LCN6: variants seen among roughly 807,000 people sequenced by gnomAD.
LCN6 encodes epididymal-specific lipocalin-6.
LCN6 carries 20 observed loss-of-function variants against 21.4 expected under a neutral mutation model. The observed-to-expected ratio is 0.93, with a 90% confidence interval of 0.66 to 1.36. The LOEUF (loss-of-function observed/expected upper bound fraction) is 1.36. LCN6 is among the 40% of genes most tolerant of loss of function. The pLI, the probability that LCN6 is intolerant of heterozygous loss-of-function variation, is 0.00. For missense variants in LCN6, 217 were observed against 206.6 expected (o/e 1.05, Z -0.31); for synonymous variants, 96 against 89.0 (o/e 1.08, Z -0.44).
chr9:136,746,397 TG>T (rs1564326803), intron 2 of LCN6, among the ~76,000 whole-genome samples: 1 of 5,022 alleles, frequency 2.0e-4, no homozygotes, highest in African/African-American at 8.5e-4. Context: ...TGGGGCGGGG[TG>T]GGGGTTTGCC....
intron 1 of LCN6, among the ~76,000 whole-genome samples, chr9:136,748,079 C>T (rs146061145): frequency 2.8e-5 from 4 of 145,304 alleles, no homozygotes; most frequent in African/African-American, 1.1e-4. Context: ...TCCAGCCCAG[C>T]AGCCTCCAGC....
chr9:136,748,029 C>T (rs1333363952), intron 1 of LCN6, among the ~76,000 whole-genome samples: 1 of 149,656 alleles, frequency 6.7e-6, no homozygotes, highest in Non-Finnish European at 1.5e-5. Flanking sequence ...AGCCCTCCAG[C>T]CTCCAGCCCT....
intron 1 of LCN6, 89 bp from the exon 2 acceptor site, chr9:136,747,652 A>C (rs1847061527): frequency 2.1e-6 from 2 of 937,370 alleles, no homozygotes; most frequent in African/African-American, 5.6e-5. Context: ...TCCAGCCTCC[A>C]AACCTCCAGC....
chr9:136,746,000 G>T, intron 2 of LCN6, 86 bp from the exon 3 acceptor site: 1 of 1,199,924 alleles, frequency 8.3e-7, no homozygotes, highest in Non-Finnish European at 1.2e-6. Context: ...TCCAGGCCAG[G>T]CCAGCCAGCA....
At position 136,745,298 on chromosome 9, in the gene LCN6, C is replaced by T; in HGVS notation, c.302-18G>A. On this transcript the variant is annotated intron_variant, in intron 3 of 6. Transcript: ENST00000341206. ...GCCTATTGCTAGGAAACAAAACCCCCCGCCTCAGGGGAGGGCAGCTGCTGT... is the reference window on the plus strand; with the variant it reads ...GCCTATTGCTAGGAAACAAAACCCCTCGCCTCAGGGGAGGGCAGCTGCTGT... 6.4e-7 allele frequency: 1 copy of T among 1,570,514 alleles called. No homozygotes were observed. The highest frequency in any genetic ancestry group is 1.1e-5 in the South Asian group (1 of 90,238).
chr9:136,748,275 C>A, intron 1 of LCN6, 119 bp downstream of exon 1: 1 of 871,868 alleles, frequency 1.1e-6, no homozygotes, highest in African/African-American at 1.7e-5. Context: ...GCTGGCCCAA[C>A]TAATTCCCCA....
chr9:136,746,276 G>GTT (rs1475651402), intron 2 of LCN6, among the ~76,000 whole-genome samples: 1 of 138,260 alleles, frequency 7.2e-6, no homozygotes, highest in Non-Finnish European at 1.6e-5. Flanking sequence ...ATGGGGCGGG[G>GTT]TGGGGGTTCG....
chr9:136,745,319 G>C (rs1847022984), intron 3 of LCN6, 39 bp from the exon 4 acceptor site: 1 of 1,433,104 alleles, frequency 7.0e-7, no homozygotes, highest in African/African-American at 1.4e-5. Context: ...GAGGGCAGCT[G>C]CTGTATCCAT....
Position 136,745,038 on chromosome 9 carries a change from G to A in LCN6, c.412+132C>T, listed in dbSNP as rs564399396. ...CCACACAGCTCCCCACATGGCCCCC[G>A]AGCGGCCCACTCACCACACAGCTCC... is the stretch of plus-strand genomic sequence containing the variant. On this transcript the variant is annotated intron_variant, in intron 4 of 6. Transcript: ENST00000341206. The A allele has an allele frequency of 8.9e-4, 733 of 827,418 alleles. 18 individuals carry two copies. Among genetic ancestry groups the A allele is most frequent in the African/African-American group, 8.1e-3 (450 of 55,738 alleles). 51.3% of individuals were successfully genotyped at this position (827,418 alleles called of 1,614,324 possible).
intron 2 of LCN6, among the ~76,000 whole-genome samples, chr9:136,746,417 G>A (rs983151206): frequency 4.6e-5 from 7 of 151,740 alleles, no homozygotes; most frequent in East Asian, 3.9e-4. Flanking sequence ...CCTGCGACTC[G>A]GGGGAAGGGG....
intron 2 of LCN6, among the ~76,000 whole-genome samples, chr9:136,746,552 G>T (rs1376137051): frequency 2.0e-5 from 3 of 152,136 alleles, no homozygotes; most frequent in Non-Finnish European, 4.4e-5. Context: ...AACTAGGAAA[G>T]CCACGTGGGA....
chr9:136,748,376 C>A lies in LCN6; in HGVS notation c.90+18G>T, dbSNP rs1458663696. 6.2e-7 allele frequency: 1 copy of A among 1,603,114 alleles called. No individual in the cohort carries two copies. The highest frequency in any genetic ancestry group is 1.1e-5 in the South Asian group (1 of 89,758). ...GGCCCCCGAGGACCAGCTCTCCCCA[C>A]CCCCAGGAGGACTGTACCTGCTCAG... On this transcript the variant is annotated intron_variant, in intron 1 of 6. Coordinates refer to ENST00000341206, the MANE Select transcript of LCN6 (RefSeq NM_198946.3).
At chr9:136,745,975 G>A (rs1847031769) in intron 2 of LCN6, 61 bp from the exon 3 acceptor site, 4 of 1,493,136 alleles carry the variant, frequency 2.7e-6, no homozygotes, top group South Asian at 1.1e-5. Context: ...GGTGAGAGGA[G>A]ACGGAGCTCA....
chr9:136,745,299 C>T lies in LCN6; in HGVS notation c.302-19G>A, dbSNP rs751344159. ...CCTATTGCTAGGAAACAAAACCCCC[C>T]GCCTCAGGGGAGGGCAGCTGCTGTA... is the stretch of plus-strand genomic sequence containing the variant. On this transcript the variant is annotated intron_variant, in intron 3 of 6. Transcript: ENST00000341206. 2.2e-5 allele frequency: 34 copies of T among 1,563,640 alleles called. No individual in the cohort carries two copies. Among genetic ancestry groups the T allele is most frequent in the African/African-American group, 4.1e-5 (3 of 73,862 alleles).
intron 2 of LCN6, 21 bp from the exon 3 acceptor site, chr9:136,745,935 C>T (rs201325906): frequency 3.5e-5 from 56 of 1,612,112 alleles, no homozygotes; most frequent in Admixed American, 3.3e-5. Context: ...AGGGGCCTGT[C>T]ACCCACTCAG....
intron 3 of LCN6, 139 bp from the exon 4 acceptor site, chr9:136,745,419 C>A: frequency 1.6e-6 from 1 of 644,184 alleles, no homozygotes; most frequent in Non-Finnish European, 2.8e-6. Context: ...TCCAAGCACA[C>A]CCAGAGCCCC....
chr9:136,745,757 G>C (rs1437610201), intron 3 of LCN6, 87 bp downstream of exon 3: 1 of 1,176,890 alleles, frequency 8.5e-7, no homozygotes, highest in East Asian at 2.3e-5. Flanking sequence ...CTCGGGAGCG[G>C]AGTCAGCCCT....
rs369779893 is a variant in LCN6, at chr9:136,744,311, C to T, written c.*48+28G>A. ...CCCACCCCCTTCCCCCAAGAGAGCC[C>T]AGGGTGAGGCTCAGGATGGCGGCTT... On this transcript the variant is annotated intron_variant, in intron 6 of 6. Transcript: ENST00000341206. The surrounding 1 kb of genome is among the most constrained non-coding windows in gnomAD (Gnocchi z 4.2). 4.3e-6 allele frequency: 1 copy of T among 233,944 alleles called. No homozygotes were observed. Among genetic ancestry groups the T allele is most frequent in the Non-Finnish European group, 8.5e-6 (1 of 117,542 alleles). 14.5% of individuals were successfully genotyped at this position (233,944 alleles called of 1,614,324 possible). A position where few individuals can be genotyped will look rare whatever the true frequency, so the allele number is the denominator to read the frequency against.
chr9:136,748,371 C>T, intron 1 of LCN6, 23 bp downstream of exon 1: 1 of 1,599,568 alleles, frequency 6.3e-7, no homozygotes, highest in Non-Finnish European at 8.5e-7. Flanking sequence ...GACCAGCTCT[C>T]CCCACCCCCA....
Sources: allele counts gnomAD v4.1 joint callset (sites outside exome capture counted in the v4.1 genomes callset), GRCh38; gene constraint gnomAD v4.1.1; non-coding constraint Gnocchi (gnomAD v3.1); transcripts MANE v1.5; gene names NCBI Gene and HGNC (gene_info 2026-07-23, HGNC 2026-07-21).